The following ERICH1 variants were observed in gnomAD, a reference collection of about 807,000 sequenced individuals.
The protein encoded by ERICH1 is glutamate rich 1.
In ERICH1, 56 loss-of-function variants were observed where a neutral mutation model predicts 39.6. The observed-to-expected ratio is 1.41, with a 90% CI of 1.14 to 1.77. The LOEUF (loss-of-function observed/expected upper bound fraction) is 1.77. ERICH1 is among the 40% of genes most tolerant of loss of function. The probability of loss-of-function intolerance (pLI) is 0.00; values close to 1 mark genes in which losing one functional copy is unlikely to be tolerated. For synonymous variants in ERICH1, 313 were observed against 223.6 expected, an observed-to-expected ratio of 1.40 and a Z score of -3.57; for missense variants, 826 against 575.4, an observed-to-expected ratio of 1.44 and a Z score of -4.45.
intron 5 of ERICH1, chr8:668,188 G>C: frequency 7.8e-6 from 2 of 256,014 alleles, no homozygotes; most frequent in Non-Finnish European, 1.5e-5. Flanking sequence ...CCCGGTGAAG[G>C]TGGCAGAAAA....
chr8:628,254 A>G (rs1350760681), intron 3 of ERICH1, among the ~76,000 whole-genome samples: 1 of 152,178 alleles, frequency 6.6e-6, no homozygotes, highest in African/African-American at 2.4e-5. Flanking sequence ...AGCAGGGTGG[A>G]ACCCTGGCCA....
intron 3 of ERICH1, chr8:615,547 G>A (rs1011749183): frequency 1.0e-4 from 39 of 390,892 alleles, no homozygotes; most frequent in Admixed American, 1.3e-4. Flanking sequence ...TGTTGATTAC[G>A]GAGGTGATGG....
At chr8:677,944 G>C (rs1448210005) in intron 3 of ERICH1, among the ~76,000 whole-genome samples, 3 of 151,924 alleles carry the variant, frequency 2.0e-5, no homozygotes, top group African/African-American at 7.3e-5. Flanking sequence ...TCGTACCCCG[G>C]GGTCAGCTTC....
intron 3 of ERICH1, among the ~76,000 whole-genome samples, chr8:620,464 C>A (rs1426086327): frequency 6.6e-6 from 1 of 152,086 alleles, no homozygotes; most frequent in African/African-American, 2.4e-5. Context: ...AACCAGAAAC[C>A]TGCTTATCAA....
chr8:711,149 AT>A (rs2132301597), intron 2 of ERICH1, among the ~76,000 whole-genome samples: 2 of 152,158 alleles, frequency 1.3e-5, no homozygotes, highest in South Asian at 4.1e-4. Flanking sequence ...CCATCTACAT[AT>A]TTTCCTTGGT....
chr8:721,843 A>C (rs1222152734), intron 1 of ERICH1, among the ~76,000 whole-genome samples: 2 of 152,236 alleles, frequency 1.3e-5, no homozygotes, highest in South Asian at 2.1e-4. Context: ...TTTTTGATCC[A>C]ATGTGTTTTT....
chr8:705,807 C>T (rs749168383), intron 2 of ERICH1, among the ~76,000 whole-genome samples: 1 of 152,186 alleles, frequency 6.6e-6, no homozygotes, highest in Non-Finnish European at 1.5e-5. Flanking sequence ...GCATCTTGCA[C>T]AGTGATGTAC....
At chr8:643,024 C>T (rs1362383400) in intron 3 of ERICH1, among the ~76,000 whole-genome samples, 2 of 152,158 alleles carry the variant, frequency 1.3e-5, no homozygotes, top group Non-Finnish European at 2.9e-5. Context: ...TGGGCCCTCC[C>T]TGTTGCTACT....
At position 721,741 on chromosome 8, in the gene ERICH1, C is replaced by T. The variant is rs573269229; in HGVS notation, c.23-5734G>A. Among the ~76,000 whole-genome samples, 6 of 152,302 alleles carry T rather than the reference C, an allele frequency of 3.9e-5. No individual in the cohort carries two copies. In the East Asian group the frequency reaches 1.2e-3, roughly 29 times the overall value. On this transcript the variant is annotated intron_variant, in intron 1 of 5. Coordinates refer to ENST00000262109, the MANE Select transcript of ERICH1 (RefSeq NM_207332.3). ...GGCCAGCTCTACTTCGCGACTAATA[C>T]CAAAAGCAGAACATAAACGAAAGGT...
intron 3 of ERICH1, among the ~76,000 whole-genome samples, chr8:682,575 G>A (rs932601814): frequency 2.6e-5 from 4 of 152,206 alleles, no homozygotes; most frequent in African/African-American, 4.8e-5. Flanking sequence ...AGCTGAAAGC[G>A]ATGTGAGGGA....
At chr8:708,219 A>G (rs1813744296) in intron 2 of ERICH1, among the ~76,000 whole-genome samples, 1 of 152,232 alleles carries the variant, frequency 6.6e-6, no homozygotes, top group Non-Finnish European at 1.5e-5. Context: ...GCTGTGGACA[A>G]GAGTCCGGCA....
chr8:663,079 A>G (rs1455840325), downstream of ERICH1, among the ~76,000 whole-genome samples: 3 of 152,244 alleles, frequency 2.0e-5, no homozygotes, highest in African/African-American at 7.2e-5. Flanking sequence ...AACCTGCATC[A>G]AGACGGGGAC....
At chr8:689,161 G>C (rs539691768) in intron 3 of ERICH1, among the ~76,000 whole-genome samples, 35 of 152,328 alleles carry the variant, frequency 2.3e-4, no homozygotes, top group Admixed American at 1.5e-3. Flanking sequence ...GCCCAGGCTG[G>C]AGTGCAGTGG....
chr8:730,910 C>A (rs1563390888), intron 1 of ERICH1, among the ~76,000 whole-genome samples: 1 of 152,082 alleles, frequency 6.6e-6, no homozygotes, highest in Non-Finnish European at 1.5e-5. Context: ...TGGGGCCTGG[C>A]AGGGCCGGCC....
chr8:659,021 G>A (rs957661585), intron 3 of ERICH1, among the ~76,000 whole-genome samples: 36 of 114,554 alleles, frequency 3.1e-4, no homozygotes, highest in Admixed American at 1.0e-3. Context: ...TGGGGAGGGG[G>A]TGACCATCGA....
chr8:681,087 C>T (rs1806012964), intron 3 of ERICH1, among the ~76,000 whole-genome samples: 1 of 152,226 alleles, frequency 6.6e-6, no homozygotes, highest in Admixed American at 6.5e-5. Flanking sequence ...GCCAGAGAGC[C>T]AGACTGGATG....
intron 3 of ERICH1, among the ~76,000 whole-genome samples, chr8:635,316 A>C (rs1348721819): frequency 4.6e-5 from 7 of 152,168 alleles, no homozygotes; most frequent in African/African-American, 1.7e-4. Context: ...GGAGCCCCCC[A>C]CACGGGTTTA....
At chr8:718,318 A>G (rs971076744) in intron 1 of ERICH1, among the ~76,000 whole-genome samples, 1 of 152,170 alleles carries the variant, frequency 6.6e-6, no homozygotes, top group Non-Finnish European at 1.5e-5. Context: ...CGGTCTTTCA[A>G]GGCTTCCTGA....
chr8:688,000 G>C (rs1585314525), intron 3 of ERICH1, among the ~76,000 whole-genome samples: 1 of 152,014 alleles, frequency 6.6e-6, no homozygotes, highest in South Asian at 2.1e-4. Flanking sequence ...CCCGAGCCCC[G>C]ACCGCAGCCC....
Sources: allele counts gnomAD v4.1 joint callset (sites outside exome capture counted in the v4.1 genomes callset), GRCh38; gene constraint gnomAD v4.1.1; transcripts MANE v1.5; gene names NCBI Gene and HGNC (gene_info 2026-07-23, HGNC 2026-07-21).